The following NRG3 variants were observed in gnomAD, a reference collection of about 807,000 sequenced individuals.
NRG3 encodes pro-neuregulin-3, membrane-bound isoform.
Under a neutral mutation model 66.9 loss-of-function variants are expected in NRG3, and 31 were observed. The observed-to-expected ratio is 0.46, with a 90% CI of 0.35 to 0.63. The LOEUF is 0.63. Ranked by LOEUF, NRG3 falls within the 20% of genes least tolerant of loss-of-function variation. The pLI is 0.00. For synonymous variants in NRG3, 393 were observed against 359.4 expected (o/e 1.09, Z -1.06); for missense variants, 910 against 878.9 (o/e 1.04, Z -0.45).
At chr10:82,099,743 G>A (rs1456949936) in intron 1 of NRG3, among the ~76,000 whole-genome samples, 1 of 152,032 alleles carries the variant, frequency 6.6e-6, no homozygotes, top group South Asian at 2.1e-4. Flanking sequence ...GACTGAAGAG[G>A]GAGGATTGCT....
At chr10:81,905,523 G>C (rs528594259) in intron 1 of NRG3, among the ~76,000 whole-genome samples, 1 of 152,224 alleles carries the variant, frequency 6.6e-6, no homozygotes, top group South Asian at 2.1e-4. Context: ...ATATCTTTTA[G>C]TGTCGTTTAT....
In NRG3 at chr10:82,203,298, A is replaced by T. The variant is rs574650248; in HGVS notation, c.824-155441A>T. Among the ~76,000 whole-genome samples, 358 of 152,300 alleles carry T rather than the reference A, an allele frequency of 2.4e-3. 1 individual carries two copies. Among genetic ancestry groups the T allele is most frequent in the Non-Finnish European group, 3.9e-3 (263 of 68,030 alleles). Reference sequence around the variant, plus strand: ...AAATGAGTATTCCATTTCCATGTAAATGGACAGTAGGCTACAAGTAGCGGA... The same window carrying T: ...AAATGAGTATTCCATTTCCATGTAATTGGACAGTAGGCTACAAGTAGCGGA... On this transcript the variant is annotated intron_variant, in intron 1 of 8. Coordinates refer to ENST00000372141, the MANE Select transcript of NRG3 (RefSeq NM_001010848.4).
chr10:82,421,582 T>TA (rs1403951366), intron 2 of NRG3, among the ~76,000 whole-genome samples: 3 of 152,128 alleles, frequency 2.0e-5, no homozygotes, highest in African/African-American at 4.8e-5. Flanking sequence ...TGTTCATCTG[T>TA]AAAAAATGAA....
At chr10:81,946,440 G>T (rs1455877119) in intron 1 of NRG3, among the ~76,000 whole-genome samples, 2 of 152,092 alleles carry the variant, frequency 1.3e-5, no homozygotes, top group Non-Finnish European at 2.9e-5. Context: ...TTAAGAAAAA[G>T]AAAAATAAAG....
At chr10:82,362,744 G>GTAA (rs1488506094) in intron 2 of NRG3, among the ~76,000 whole-genome samples, 23 of 151,706 alleles carry the variant, frequency 1.5e-4, no homozygotes, top group African/African-American at 5.3e-4. Context: ...ACAGATTGTG[G>GTAA]TATATTGTGG....
chr10:82,225,100 G>GA (rs1051646886), intron 1 of NRG3, among the ~76,000 whole-genome samples: 46 of 151,836 alleles, frequency 3.0e-4, no homozygotes, highest in African/African-American at 1.1e-3. Flanking sequence ...TTACTAGGAA[G>GA]AAAAAAATGC....
At chr10:82,787,736 C>T (rs932456988) in intron 3 of NRG3, among the ~76,000 whole-genome samples, 2 of 152,126 alleles carry the variant, frequency 1.3e-5, no homozygotes, top group African/African-American at 4.8e-5. Context: ...GCTCTTTTTT[C>T]AGTGTGTAGG....
intron 1 of NRG3, among the ~76,000 whole-genome samples, chr10:82,251,211 C>T (rs1287492334): frequency 1.3e-5 from 2 of 152,150 alleles, no homozygotes. Flanking sequence ...TCTAACAACC[C>T]ACTGGGCCTA....
At chr10:82,222,618 C>G (rs964454484) in intron 1 of NRG3, among the ~76,000 whole-genome samples, 3 of 152,168 alleles carry the variant, frequency 2.0e-5, no homozygotes, top group African/African-American at 7.2e-5. Context: ...AGAACATTTT[C>G]TCTTATAACA....
At chr10:82,505,639 C>T (rs1047159180) in intron 2 of NRG3, among the ~76,000 whole-genome samples, 8 of 152,154 alleles carry the variant, frequency 5.3e-5, no homozygotes, top group Admixed American at 3.3e-4. Flanking sequence ...CTACTACCTA[C>T]TTGGTAAGGC....
intron 1 of NRG3, among the ~76,000 whole-genome samples, chr10:81,998,079 A>AG (rs1447565216): frequency 6.6e-6 from 1 of 152,126 alleles, no homozygotes; most frequent in Non-Finnish European, 1.5e-5. Flanking sequence ...CCTTCCCTGA[A>AG]GAGACCAGCT....
intron 1 of NRG3, among the ~76,000 whole-genome samples, chr10:82,300,678 T>G (rs2080347216): frequency 6.6e-6 from 1 of 152,144 alleles, no homozygotes. Context: ...GTAGGGAAAT[T>G]TATATCTACA....
At position 82,630,990 on chromosome 10, in the gene NRG3, A is replaced by G. The variant is rs538684957; in HGVS notation, c.954-107587A>G. On this transcript the variant is annotated intron_variant, in intron 2 of 8. Transcript: ENST00000372141. ...AATATAATTAAAGTTTTAATATACA[A>G]TGTTGCAATAAGTTTTCCAAGTGTC... 7.9e-5 allele frequency among the ~76,000 whole-genome samples: 12 copies of G among 152,292 alleles called. No homozygotes were observed. The East Asian group carries it at 1.9e-3, about 25-fold the overall frequency.
intron 1 of NRG3, among the ~76,000 whole-genome samples, chr10:81,973,650 C>G (rs969427384): frequency 3.9e-5 from 6 of 152,126 alleles, no homozygotes; most frequent in South Asian, 4.1e-4. Flanking sequence ...TTGCATTTCT[C>G]TCATAATTAG....
chr10:82,233,004 G>T, intron 1 of NRG3: 1 of 569,236 alleles, frequency 1.8e-6, no homozygotes. Flanking sequence ...GGGTATGTGG[G>T]CAAGGTAGAG....
At chr10:82,566,231 T>C (rs184479920) in intron 2 of NRG3, among the ~76,000 whole-genome samples, 55 of 152,202 alleles carry the variant, frequency 3.6e-4, no homozygotes, top group African/African-American at 1.3e-3. Flanking sequence ...GGTTGTTTTA[T>C]TTTGTTTGTT....
chr10:82,394,375 G>T (rs1040744082), intron 2 of NRG3, among the ~76,000 whole-genome samples: 2 of 152,182 alleles, frequency 1.3e-5, no homozygotes, highest in Non-Finnish European at 1.5e-5. Flanking sequence ...GTAATAGCTT[G>T]GGCAGATAAT....
chr10:82,972,503 G>A (rs1851863146), intron 6 of NRG3, among the ~76,000 whole-genome samples: 1 of 152,050 alleles, frequency 6.6e-6, no homozygotes, highest in Admixed American at 6.6e-5. Flanking sequence ...TCTTCGGTTA[G>A]AACTATTTCT....
intron 4 of NRG3, among the ~76,000 whole-genome samples, chr10:82,918,583 G>A (rs750630111): frequency 6.6e-5 from 10 of 152,206 alleles, no homozygotes; most frequent in East Asian, 1.9e-4. Context: ...GCCAACTTAC[G>A]TGGCAAGTTG....
Sources: allele counts gnomAD v4.1 joint callset (sites outside exome capture counted in the v4.1 genomes callset), GRCh38; gene constraint gnomAD v4.1.1; transcripts MANE v1.5; gene names NCBI Gene and HGNC (gene_info 2026-07-23, HGNC 2026-07-21).